The following GNA15 variants were observed in gnomAD, a reference collection of about 807,000 sequenced individuals.
GNA15 encodes guanine nucleotide-binding protein subunit alpha-15.
In GNA15, 23 loss-of-function variants were observed where a neutral mutation model predicts 40.1. That is an observed-to-expected ratio of 0.57 (90% confidence interval 0.41 to 0.81). The LOEUF (loss-of-function observed/expected upper bound fraction) is 0.81, where lower values mean the gene tolerates loss of function less well. Ranked by LOEUF, GNA15 falls within the 40% of genes least tolerant of loss-of-function variation. GNA15 has a pLI of 0.00. For synonymous variants in GNA15, 226 were observed against 210.4 expected (o/e 1.07, Z -0.64); for missense variants, 522 against 515.8 (o/e 1.01, Z -0.12).
intron 1 of GNA15, among the ~76,000 whole-genome samples, chr19:3,145,465 T>A (rs1457680953): frequency 2.9e-5 from 4 of 138,700 alleles, no homozygotes; most frequent in Admixed American, 7.4e-5. Context: ...GCACTGGATT[T>A]ATAGGCATGA....
chr19:3,162,468 G>A (rs1454018635), intron 6 of GNA15, among the ~76,000 whole-genome samples: 2 of 152,048 alleles, frequency 1.3e-5, no homozygotes, highest in South Asian at 2.1e-4. Context: ...TTGTCTATGC[G>A]ATTCCAGTCT....
intron 4 of GNA15, among the ~76,000 whole-genome samples, chr19:3,154,412 G>T (rs1424586565): frequency 2.0e-5 from 3 of 146,862 alleles, no homozygotes; most frequent in African/African-American, 5.0e-5. Context: ...TGGGTGGATG[G>T]GTACATGGGT....
Position 3,163,141 on chromosome 19 carries a change from G to T in GNA15, c.*122G>T, listed in dbSNP as rs1171333216. ...CGGCCCACACGCAAGGGAGTCGGGG[G>T]ACGGACGGCCCGCTGCTGGCCGCTC... is the stretch of plus-strand genomic sequence containing the variant. On this transcript the variant is annotated 3_prime_UTR_variant, in exon 7 of 7. Transcript: ENST00000262958. 2 of 668,680 alleles carry T rather than the reference G, an allele frequency of 3.0e-6. No homozygotes were observed. Among genetic ancestry groups the T allele is most frequent in the African/African-American group, 3.6e-5 (2 of 56,126 alleles). The allele number at this position is 668,680 out of a possible 1,614,324, so 41.4% of individuals were successfully genotyped here. A position where few individuals can be genotyped will look rare whatever the true frequency, so the allele number is the denominator to read the frequency against.
chr19:3,156,127 A>T (rs571408847), intron 5 of GNA15, among the ~76,000 whole-genome samples, 175 bp downstream of exon 5: 1 of 152,104 alleles, frequency 6.6e-6, no homozygotes, highest in African/African-American at 2.4e-5. Context: ...GCAACCCAAG[A>T]CACAGACCTA....
chr19:3,148,576 C>T lies in GNA15; in HGVS notation c.146-15C>T, dbSNP rs746377500. The stretch of plus-strand genomic sequence containing the variant: ...TCCCGTGGAGGGCTGAGCGGTTCTG[C>T]TGCTCCATCCCCAGGCCCAGGCGAG... On this transcript the variant is annotated splice_polypyrimidine_tract_variant and intron_variant, in intron 1 of 6. Transcript: ENST00000262958. The T allele has an allele frequency of 1.3e-6, 2 of 1,555,622 alleles. No homozygotes were observed. The highest frequency in any genetic ancestry group is 1.9e-5 in the Admixed American group (1 of 52,786).
intron 6 of GNA15, among the ~76,000 whole-genome samples, chr19:3,160,394 G>A (rs2144864683): frequency 6.6e-6 from 1 of 152,192 alleles, no homozygotes; most frequent in African/African-American, 2.4e-5. Flanking sequence ...CACATGGTTT[G>A]AGCTTACTCA....
In GNA15 at chr19:3,148,783, G is replaced by C; in HGVS notation, c.330+8G>C. On this transcript the variant is annotated splice_region_variant and intron_variant, in intron 2 of 6. Coordinates refer to ENST00000262958, the MANE Select transcript of GNA15 (RefSeq NM_002068.4). ...AGCAGGCCCGAGAGCAAGGTGAGCC[G>C]CCAGGGCAGGCAGGGGCCCAGGGCA... 1 of 1,586,828 alleles carries C rather than the reference G, an allele frequency of 6.3e-7. No individual in the cohort carries two copies. The highest frequency in any genetic ancestry group is 8.6e-7 in the Non-Finnish European group (1 of 1,166,508).
At chr19:3,145,816 G>C (rs1467883664) in intron 1 of GNA15, among the ~76,000 whole-genome samples, 1 of 151,106 alleles carries the variant, frequency 6.6e-6, no homozygotes, top group Non-Finnish European at 1.5e-5. Flanking sequence ...CCAAAGTGCG[G>C]AGATTATAGG....
At chr19:3,139,148 G>A (rs975962201) in intron 1 of GNA15, among the ~76,000 whole-genome samples, 1 of 151,492 alleles carries the variant, frequency 6.6e-6, no homozygotes, top group African/African-American at 2.4e-5. Context: ...GTTTCACCAT[G>A]TTGGCCAGGC....
chr19:3,151,923 G>T lies in GNA15; in HGVS notation c.614+88G>T. ...GAGCTGGGGCCCTGAGGGATGAGTA[G>T]GAGTTTCTTAGGCCCAGCCTTCAAG... On this transcript the variant is annotated intron_variant, in intron 4 of 6. Transcript: ENST00000262958. The surrounding 1 kb of genome is among the most constrained non-coding windows in gnomAD (Gnocchi z 5.0). The T allele has an allele frequency of 1.0e-6, 1 of 995,814 alleles. No individual in the cohort carries two copies. Among genetic ancestry groups the T allele is most frequent in the East Asian group, 2.8e-5 (1 of 35,672 alleles). 61.7% of individuals were successfully genotyped at this position (995,814 alleles called of 1,614,324 possible). A position where few individuals can be genotyped will look rare whatever the true frequency, so the allele number is the denominator to read the frequency against.
chr19:3,136,473 G>T lies in GNA15; in HGVS notation c.23G>T (p.Arg8Leu). Residue 8 changes from arginine (R) to leucine (L), a missense_variant, in exon 1 of 7, where the codon CGC (arginine) becomes CTC (leucine). Arg to Leu is a moderately radical substitution (Grantham distance 102). Coordinates refer to ENST00000262958, the MANE Select transcript of GNA15 (RefSeq NM_002068.4). The surrounding 1 kb of genome is among the most constrained non-coding windows in gnomAD (Gnocchi z 4.9). ...ACCATGGCCCGCTCGCTGACCTGGC[G>T]CTGCTGCCCCTGGTGCCTGACGGAG... Reference protein sequence around the residue: MARSLTWRCCPWCLTEDE... With the variant: MARSLTWLCCPWCLTEDE... The T allele has an allele frequency of 6.4e-7, 1 of 1,551,854 alleles. No homozygotes were observed. The highest frequency in any genetic ancestry group is 1.2e-5 in the South Asian group (1 of 84,134).
At chr19:3,162,508 A>C (rs1915161530) in intron 6 of GNA15, among the ~76,000 whole-genome samples, 1 of 152,226 alleles carries the variant, frequency 6.6e-6, no homozygotes, top group African/African-American at 2.4e-5. Context: ...AGCGAGGCCA[A>C]GAGAGTGTCT....
intron 4 of GNA15, among the ~76,000 whole-genome samples, chr19:3,152,876 C>T (rs902204445): frequency 6.6e-6 from 1 of 152,140 alleles, no homozygotes; most frequent in African/African-American, 2.4e-5. Context: ...CTGTGGGTCT[C>T]CTCTACAAGA....
chr19:3,160,422 G>A (rs72983056), intron 6 of GNA15, among the ~76,000 whole-genome samples: 22 of 152,278 alleles, frequency 1.4e-4, no homozygotes, highest in Non-Finnish European at 3.2e-4. Flanking sequence ...GCTGCCTCAG[G>A]GTAGACAGAC....
intron 2 of GNA15, 86 bp downstream of exon 2, chr19:3,148,861 C>A: frequency 7.3e-7 from 1 of 1,369,984 alleles, no homozygotes; most frequent in South Asian, 1.4e-5. Context: ...CCAAGTTCCC[C>A]AGACTTCAGG....
intron 5 of GNA15, among the ~76,000 whole-genome samples, chr19:3,156,440 CAG>C (rs1353043414): frequency 1.3e-5 from 2 of 150,750 alleles, no homozygotes; most frequent in Non-Finnish European, 3.0e-5. Context: ...TGCACACACA[CAG>C]TACACACATG....
In GNA15 at chr19:3,157,859, T is replaced by A; in HGVS notation, c.876T>A (p.Ala292=). ...AGAAAATCCCCACCTCCCACCTGGC[T>A]ACCTATTTCCCCAGTTTCCAGGGTA... ...LEEKIPTSHL[A]TYFPSFQGPK... Residue 292 remains alanine (A), a synonymous_variant, in exon 6 of 7, where the codon GCT becomes GCA. Transcript: ENST00000262958. 6.2e-7 allele frequency: 1 copy of A among 1,613,480 alleles called. No individual in the cohort carries two copies.
chr19:3,145,301 C>T (rs570064586), intron 1 of GNA15, among the ~76,000 whole-genome samples: 2 of 142,350 alleles, frequency 1.4e-5, no homozygotes, highest in Non-Finnish European at 3.0e-5. Context: ...TCATGAGTAG[C>T]TGTAACTACC....
chr19:3,152,772 C>G (rs1044187754), intron 4 of GNA15, among the ~76,000 whole-genome samples: 1 of 152,064 alleles, frequency 6.6e-6, no homozygotes, highest in African/African-American at 2.4e-5. Flanking sequence ...TTTGACCTAC[C>G]CCTATTTGGC....
Sources: allele counts gnomAD v4.1 joint callset (sites outside exome capture counted in the v4.1 genomes callset), GRCh38; gene constraint gnomAD v4.1.1; non-coding constraint Gnocchi (gnomAD v3.1); transcripts MANE v1.5; gene names NCBI Gene and HGNC (gene_info 2026-07-23, HGNC 2026-07-21).